The following SPPL2A variants were observed in gnomAD, a reference collection of about 807,000 sequenced individuals.
SPPL2A encodes signal peptide peptidase-like 2A.
SPPL2A carries 51 observed loss-of-function variants against 63.8 expected under a neutral mutation model. The ratio of observed to expected loss-of-function variants is 0.80; its 90% CI spans 0.64 to 1.01. The LOEUF is 1.01. Among genes scored for constraint, SPPL2A ranks in the 50% least tolerant of loss-of-function variants. The pLI is 0.00. For missense variants in SPPL2A, 553 were observed against 622.7 expected (o/e 0.89, Z 1.19); for synonymous variants, 188 against 205.8 (o/e 0.91, Z 0.74).
intron 12 of SPPL2A, among the ~76,000 whole-genome samples, chr15:50,723,233 T>C (rs1356553162): frequency 2.0e-5 from 3 of 152,210 alleles, no homozygotes; most frequent in African/African-American, 7.2e-5. Context: ...GTAGCCATTA[T>C]GGAAACCAGT....
chr15:50,748,080 T>C (rs781581703), intron 4 of SPPL2A, 33 bp downstream of exon 4: 4 of 850,744 alleles, frequency 4.7e-6, no homozygotes, highest in Non-Finnish European at 5.2e-6. Flanking sequence ...ACAGTATTTA[T>C]AAACTTTATC....
chr15:50,716,300 T>G (rs1208956977), intron 14 of SPPL2A, among the ~76,000 whole-genome samples: 1 of 152,180 alleles, frequency 6.6e-6, no homozygotes, highest in Non-Finnish European at 1.5e-5. Flanking sequence ...GTTCAAGCAC[T>G]TCTTCCGCCT....
In SPPL2A at chr15:50,748,142, T is replaced by C; in HGVS notation, c.421A>G (p.Ser141Gly). ...PDVKILIAFI[S>G]YKDFRDMNQT... ...TTCATATCTCTAAAGTCTTTGTAGC[T>C]TATAAATGCAATCAGTATTTTCACA... is the stretch of plus-strand genomic sequence containing the variant. Residue 141 changes from serine (S) to glycine (G), a missense_variant, in exon 4 of 15, where the codon AGC becomes GGC. Ser to Gly is a moderately conservative substitution (Grantham distance 56, BLOSUM62 0). Coordinates refer to ENST00000261854, the MANE Select transcript of SPPL2A (RefSeq NM_032802.4). The C allele has an allele frequency of 6.7e-7, 1 of 1,502,620 alleles. No individual in the cohort carries two copies. The highest frequency in any genetic ancestry group is 2.1e-5 in the Admixed American group (1 of 46,986). 93.1% of individuals were successfully genotyped at this position (1,502,620 alleles called of 1,614,324 possible). A position where few individuals can be genotyped will look rare whatever the true frequency, so the allele number is the denominator to read the frequency against.
Position 50,765,538 on chromosome 15 carries a change from C to T in SPPL2A, c.-5G>A, listed in dbSNP as rs747094578. On this transcript the variant is annotated 5_prime_UTR_variant, in exon 1 of 15. Transcript: ENST00000261854. ...CAGCCGCCGCTGCGGCCCCATCGGACTGGTGGGTGCCGGGTGGGACGGCAC... is the reference window on the plus strand; with the variant it reads ...CAGCCGCCGCTGCGGCCCCATCGGATTGGTGGGTGCCGGGTGGGACGGCAC... 1.1e-4 allele frequency: 157 copies of T among 1,490,690 alleles called. No individual in the cohort carries two copies. The highest frequency in any genetic ancestry group is 2.5e-5 in the South Asian group (2 of 79,668). 92.3% of individuals were successfully genotyped at this position (1,490,690 alleles called of 1,614,324 possible).
chr15:50,722,526 G>A (rs915973171), intron 12 of SPPL2A, among the ~76,000 whole-genome samples: 4 of 151,922 alleles, frequency 2.6e-5, no homozygotes, highest in South Asian at 2.1e-4. Context: ...GCGCGATCTC[G>A]GTTCACTGCA....
intron 1 of SPPL2A, among the ~76,000 whole-genome samples, chr15:50,761,743 C>T (rs574388996): frequency 1.2e-4 from 19 of 152,090 alleles, no homozygotes; most frequent in African/African-American, 4.6e-4. Flanking sequence ...CAAGACCAGC[C>T]TGGGCAACAC....
chr15:50,707,965 A>G (rs1176335617), intron 14 of SPPL2A, 91 bp from the exon 15 acceptor site: 18 of 737,916 alleles, frequency 2.4e-5, no homozygotes, highest in Non-Finnish European at 3.4e-5. Context: ...TTTCTAAAAA[A>G]CACAGATTGC....
chr15:50,733,324 A>G (rs1336937968), intron 8 of SPPL2A, among the ~76,000 whole-genome samples: 1 of 152,180 alleles, frequency 6.6e-6, no homozygotes, highest in African/African-American at 2.4e-5. Flanking sequence ...AAATCCTTTC[A>G]GTCCTCAATA....
chr15:50,758,115 C>T (rs1169979622), intron 1 of SPPL2A, among the ~76,000 whole-genome samples: 12 of 150,846 alleles, frequency 8.0e-5, no homozygotes, highest in African/African-American at 2.7e-4. Context: ...GGTGAAACCC[C>T]GTCTCTACTA....
At chr15:50,734,117 A>G (rs1388090368) in intron 8 of SPPL2A, among the ~76,000 whole-genome samples, 1 of 152,220 alleles carries the variant, frequency 6.6e-6, no homozygotes, top group Admixed American at 6.5e-5. Flanking sequence ...CAGAATTACC[A>G]TATGATCCAG....
rs1415221865 is a variant in SPPL2A at position 50,725,113 on chromosome 15, C to T, written c.1249+108G>A. On this transcript the variant is annotated intron_variant, in intron 12 of 14. Transcript: ENST00000261854. ...ATGACAATCTCAGCTCTAGTGACAG[C>T]CAGAAATAGTTAATACAGAGTAGGT... 8.0e-6 allele frequency: 6 copies of T among 748,646 alleles called. No homozygotes were observed. In the Admixed American group the frequency reaches 1.3e-4, roughly 16 times the overall value. 46.4% of individuals were successfully genotyped at this position (748,646 alleles called of 1,614,324 possible).
At chr15:50,735,742 A>T (rs113361057) in intron 8 of SPPL2A, among the ~76,000 whole-genome samples, 19,135 of 151,820 alleles carry the variant, frequency 0.13, 1,606 homozygotes, top group Admixed American at 0.25. Context: ...CGCCTGGCTA[A>T]TTTTTTGTAT....
At chr15:50,726,190 T>G in intron 11 of SPPL2A, 131 bp downstream of exon 11, 1 of 1,483,852 alleles carries the variant, frequency 6.7e-7, no homozygotes, top group South Asian at 1.2e-5. Flanking sequence ...AGAGCTATAT[T>G]TTCTGAGAAA....
At position 50,725,330 on chromosome 15, in the gene SPPL2A, AAAAACAAAACAAAAC is replaced by A. The variant is rs140174698; in HGVS notation, c.1147-22_1147-8del. The stretch of plus-strand genomic sequence containing the variant: ...CTCTGATGACTACTGGCAACTGTTC[AAAAACAAAACAAAAC>A]AAAACAAAACAAAACAAAAAACAAA... On this transcript the variant is annotated splice_polypyrimidine_tract_variant and splice_region_variant and intron_variant, in intron 11 of 14. Coordinates refer to ENST00000261854, the MANE Select transcript of SPPL2A (RefSeq NM_032802.4). 49 of 1,241,740 alleles carry A rather than the reference AAAAACAAAACAAAAC, an allele frequency of 3.9e-5. No individual in the cohort carries two copies. The highest frequency in any genetic ancestry group is 9.6e-5 in the East Asian group (4 of 41,872). 76.9% of individuals were successfully genotyped at this position (1,241,740 alleles called of 1,614,324 possible). A position where few individuals can be genotyped will look rare whatever the true frequency, so the allele number is the denominator to read the frequency against.
intron 14 of SPPL2A, 93 bp from the exon 15 acceptor site, chr15:50,707,967 A>C: frequency 1.4e-6 from 1 of 731,520 alleles, no homozygotes. Context: ...TCTAAAAAAC[A>C]CAGATTGCTC....
chr15:50,732,615 C>A lies in SPPL2A; in HGVS notation c.1002G>T (p.Leu334Phe), dbSNP rs749209020. 7 of 1,600,578 alleles carry A rather than the reference C, an allele frequency of 4.4e-6. No individual in the cohort carries two copies. Among genetic ancestry groups the A allele is most frequent in the Non-Finnish European group, 4.3e-6 (5 of 1,168,944 alleles). The change falls in exon 9 of 15, where the codon TTG becomes TTT. Residue 334 changes from leucine (L) to phenylalanine (F), a missense_variant. Coordinates refer to ENST00000261854, the MANE Select transcript of SPPL2A (RefSeq NM_032802.4). ...TTGTATACATTACCTTGAAGTTGGG[C>A]AACTTCAGTGTTTTAATTAAATTCA... is the stretch of plus-strand genomic sequence containing the variant. ...FCLNLIKTLK[L>F]PNFKSCVILL...
Position 50,724,347 on chromosome 15 carries a change from C to T in SPPL2A, c.1249+874G>A, listed in dbSNP as rs150605539. 2.0e-3 allele frequency among the ~76,000 whole-genome samples: 305 copies of T among 152,174 alleles called. 2 individuals are homozygous for T. Among genetic ancestry groups the T allele is most frequent in the African/African-American group, 7.1e-3 (293 of 41,520 alleles). On this transcript the variant is annotated intron_variant, in intron 12 of 14. Coordinates refer to ENST00000261854, the MANE Select transcript of SPPL2A (RefSeq NM_032802.4). The stretch of plus-strand genomic sequence containing the variant: ...ATCCCAGCACTTTGGGAGGCCGAAG[C>T]GGGCAGATCACAAGGTCAGGAGATC...
At chr15:50,708,860 C>T (rs1327659950) in intron 14 of SPPL2A, among the ~76,000 whole-genome samples, 3 of 150,904 alleles carry the variant, frequency 2.0e-5, no homozygotes, top group Non-Finnish European at 2.9e-5. Flanking sequence ...AGTGAAACCC[C>T]GTTTCTACAA....
At chr15:50,759,691 C>T (rs1017766193) in intron 1 of SPPL2A, among the ~76,000 whole-genome samples, 9 of 151,232 alleles carry the variant, frequency 6.0e-5, no homozygotes, top group South Asian at 2.1e-4. Context: ...TGCAGTGAGC[C>T]GAGATTGCGC....
Sources: allele counts gnomAD v4.1 joint callset (sites outside exome capture counted in the v4.1 genomes callset), GRCh38; gene constraint gnomAD v4.1.1; transcripts MANE v1.5; gene names NCBI Gene and HGNC (gene_info 2026-07-23, HGNC 2026-07-21).